ZNF423: variants seen among roughly 807,000 people sequenced by gnomAD.
The protein encoded by ZNF423 is Ebf-associated zinc finger protein.
In ZNF423, 12 loss-of-function variants were observed where a neutral mutation model predicts 95.8. The ratio of observed to expected loss-of-function variants is 0.13; its 90% CI spans 0.08 to 0.20. The LOEUF (loss-of-function observed/expected upper bound fraction) is 0.20. Ranked by LOEUF, ZNF423 falls within the 10% of genes least tolerant of loss-of-function variation. The pLI is 1.00. For missense variants in ZNF423, 1,316 were observed against 1,737.1 expected (o/e 0.76, Z 4.31); for synonymous variants, 749 against 711.9 (o/e 1.05, Z -0.83).
intron 3 of ZNF423, among the ~76,000 whole-genome samples, chr16:49,699,247 TC>T (rs2032087381): frequency 1.3e-5 from 2 of 151,640 alleles, no homozygotes; most frequent in African/African-American, 4.9e-5. Flanking sequence ...GCTGGCCGGC[TC>T]CCCCGGGGGC....
intron 3 of ZNF423, among the ~76,000 whole-genome samples, chr16:49,680,882 G>T (rs75232028): frequency 0.048 from 7,292 of 152,328 alleles, 197 homozygotes; most frequent in East Asian, 0.072. Flanking sequence ...AGAAGGCACT[G>T]CTGGCCACAG....
Position 49,637,607 on chromosome 16 carries a change from A to C in ZNF423, c.1569T>G (p.Asn523Lys). 1.2e-6 allele frequency: 2 copies of C among 1,613,952 alleles called. No individual in the cohort carries two copies. Among genetic ancestry groups the C allele is most frequent in the Non-Finnish European group, 1.7e-6 (2 of 1,180,026 alleles). The change falls in exon 4 of 8, where the codon AAT becomes AAG. Residue 523 changes from asparagine (N) to lysine (K), a missense_variant. Coordinates refer to ENST00000563137, the MANE Select transcript of ZNF423 (RefSeq NM_001379286.1). The surrounding 1 kb of genome is among the most constrained non-coding windows in gnomAD (Gnocchi z 5.6). ...GPNANPSDGN[N>K]AFFCNQCSMG... ...TGGAGCACTGGTTGCAGAAGAAAGCATTATTACCGTCAGAGGGGTTGGCGT... is the reference window on the plus strand; with the variant it reads ...TGGAGCACTGGTTGCAGAAGAAAGCCTTATTACCGTCAGAGGGGTTGGCGT...
intron 2 of ZNF423, among the ~76,000 whole-genome samples, chr16:49,767,698 G>C (rs1461161119): frequency 6.6e-6 from 1 of 152,126 alleles, no homozygotes; most frequent in East Asian, 1.9e-4. Context: ...GACCCCACCA[G>C]GCACCCCAAG....
chr16:49,620,953 G>A (rs1317465687), intron 5 of ZNF423, among the ~76,000 whole-genome samples: 1 of 152,216 alleles, frequency 6.6e-6, no homozygotes, highest in Non-Finnish European at 1.5e-5. Flanking sequence ...CAGACCCACT[G>A]CTCCTCCCTT....
upstream of ZNF423, among the ~76,000 whole-genome samples, chr16:49,859,085 C>A (rs2035403710): frequency 6.6e-6 from 1 of 151,938 alleles, no homozygotes; most frequent in Non-Finnish European, 1.5e-5. Flanking sequence ...AGTGAGGGGG[C>A]GGACAAAAGG....
chr16:49,845,050 A>AAAC (rs2035229950), intron 1 of ZNF423, among the ~76,000 whole-genome samples: 1 of 151,118 alleles, frequency 6.6e-6, no homozygotes, highest in East Asian at 1.9e-4. Context: ...AAAAAAAAAA[A>AAAC]AAAAAAAAAA....
At chr16:49,553,899 G>A (rs764156026) in intron 5 of ZNF423, among the ~76,000 whole-genome samples, 14 of 152,146 alleles carry the variant, frequency 9.2e-5, no homozygotes, top group Non-Finnish European at 2.1e-4. Context: ...GGGAACTGAA[G>A]CCCCCCAAAA....
At chr16:49,678,790 G>C (rs78034127) in intron 3 of ZNF423, among the ~76,000 whole-genome samples, 1,793 of 152,348 alleles carry the variant, frequency 0.012, 29 homozygotes, top group African/African-American at 0.041. Context: ...GCCCTGGGGT[G>C]CCACAGCACA....
At chr16:49,826,042 T>C (rs2035002275) in intron 1 of ZNF423, among the ~76,000 whole-genome samples, 1 of 152,090 alleles carries the variant, frequency 6.6e-6, no homozygotes, top group Admixed American at 6.5e-5. Flanking sequence ...GAAACCTCCA[T>C]CTGTACAAAA....
rs2035354687 is a variant in ZNF423, at chr16:49,855,523, G to GCCGCCA, written c.40+211_40+212insTGGCGG. Among the ~76,000 whole-genome samples the GCCGCCA allele has an allele frequency of 6.9e-6, 1 of 144,620 alleles. No homozygotes were observed. The highest frequency in any genetic ancestry group is 6.8e-5 in the Admixed American group (1 of 14,712). The allele number at this position is 144,620 out of a possible 152,430, so 94.9% of individuals were successfully genotyped here. The stretch of plus-strand genomic sequence containing the variant: ...GCGGCGTACCCCCTCCGCCGCCGCC[G>GCCGCCA]CCGCCGCCGCCGCCTCCGCCTCCTG... On this transcript the variant is annotated intron_variant, in intron 1 of 7. Transcript: ENST00000563137. The surrounding 1 kb of genome is among the most constrained non-coding windows in gnomAD (Gnocchi z 4.7).
rs368512507 is a variant in ZNF423 at position 49,832,926 on chromosome 16, A to AG, written c.40+22808_40+22809insC. 3.5e-3 allele frequency among the ~76,000 whole-genome samples: 532 copies of AG among 152,352 alleles called. 2 individuals carry two copies. Among genetic ancestry groups the AG allele is most frequent in the African/African-American group, 0.011 (456 of 41,584 alleles). ...TCCGATTTTTTTCTGTGACATCTCC[A>AG]ATCTCTCAATGTTGATTTCTTTCTT... On this transcript the variant is annotated intron_variant, in intron 1 of 7. Coordinates refer to ENST00000563137, the MANE Select transcript of ZNF423 (RefSeq NM_001379286.1).
intron 7 of ZNF423, among the ~76,000 whole-genome samples, chr16:49,504,880 T>C (rs72784272): frequency 0.11 from 17,063 of 152,162 alleles, 1,074 homozygotes; most frequent in East Asian, 0.25. Context: ...CTTGTGGAAC[T>C]GGGAGCTCTT....
At position 49,636,641 on chromosome 16, in the gene ZNF423, G is replaced by T. The variant is rs77996576; in HGVS notation, c.2535C>A (p.Thr845=). 1.9e-6 allele frequency: 3 copies of T among 1,613,914 alleles called. No individual in the cohort carries two copies. The highest frequency in any genetic ancestry group is 2.7e-5 in the African/African-American group (2 of 74,908). Residue 845 remains threonine (T), a synonymous_variant, in exon 4 of 8, where the codon ACC becomes ACA. Coordinates refer to ENST00000563137, the MANE Select transcript of ZNF423 (RefSeq NM_001379286.1). The surrounding 1 kb of genome is among the most constrained non-coding windows in gnomAD (Gnocchi z 8.6). ...GTACCCCATTGGCCGTGCCGTTCTC[G>T]GTCGCAGCATCAAACACACAGTGCT... The part of the protein sequence containing the change: ...REKHCVFDAA[T]ENGTANGVPP...
chr16:49,656,991 G>A (rs759503017), intron 3 of ZNF423, among the ~76,000 whole-genome samples: 4 of 152,144 alleles, frequency 2.6e-5, no homozygotes, highest in Non-Finnish European at 5.9e-5. Context: ...CCTAACCACC[G>A]CGGGATATGA....
In ZNF423 at chr16:49,508,310, C is replaced by T. The variant is rs1967737604; in HGVS notation, c.3849+15314G>A. On this transcript the variant is annotated intron_variant, in intron 7 of 7. Transcript: ENST00000563137. ...CCAAGGCAGTAAAATTGCTTGAGGC[C>T]AGGAGTTCTAGACCAGCCTAGGCAG... 2.0e-5 allele frequency among the ~76,000 whole-genome samples: 3 copies of T among 151,990 alleles called. No individual in the cohort carries two copies. The South Asian group carries it at 6.2e-4, about 32-fold the overall frequency.
intron 3 of ZNF423, among the ~76,000 whole-genome samples, chr16:49,675,033 C>A (rs2030987968): frequency 6.6e-6 from 1 of 152,110 alleles, no homozygotes; most frequent in South Asian, 2.1e-4. Flanking sequence ...GAGCGGGAGG[C>A]CTGTGGTGTG....
intron 3 of ZNF423, among the ~76,000 whole-genome samples, chr16:49,673,380 T>C (rs896578878): frequency 6.6e-6 from 1 of 152,316 alleles, no homozygotes; most frequent in South Asian, 2.1e-4. Context: ...TATTACCAAA[T>C]AATTACATGA....
At chr16:49,843,901 G>A (rs557838786) in intron 1 of ZNF423, among the ~76,000 whole-genome samples, 285 of 152,156 alleles carry the variant, frequency 1.9e-3, no homozygotes, top group African/African-American at 6.5e-3. Flanking sequence ...GGCCAGGATC[G>A]AGCTGGTCAA....
At chr16:49,646,111 G>T (rs964264945) in intron 3 of ZNF423, among the ~76,000 whole-genome samples, 1 of 152,210 alleles carries the variant, frequency 6.6e-6, no homozygotes, top group African/African-American at 2.4e-5. Flanking sequence ...ATCAGCTGAT[G>T]GTGAGGATTG....
Sources: gnomAD v4.1 joint callset for allele counts (sites outside exome capture counted in the v4.1 genomes callset) on GRCh38, gnomAD v4.1.1 for gene constraint, Gnocchi (gnomAD v3.1) non-coding constraint, MANE v1.5 for transcripts, NCBI Gene and HGNC (gene_info 2026-07-23, HGNC 2026-07-21) for gene names.